The following ADK variants were observed in gnomAD, a reference collection of about 807,000 sequenced individuals.
ADK encodes the protein adenosine kinase.
ADK carries 24 observed loss-of-function variants against 44.7 expected under a neutral mutation model. That is an observed-to-expected ratio of 0.54 (90% confidence interval 0.39 to 0.76). The LOEUF (loss-of-function observed/expected upper bound fraction) is 0.76, where lower values mean the gene tolerates loss of function less well. ADK is among the 30% of genes least tolerant of loss of function. The pLI is 0.00. For synonymous variants in ADK, 128 were observed against 142.6 expected (o/e 0.90, Z 0.73); for missense variants, 321 against 425.1 (o/e 0.76, Z 2.15).
At chr10:74,165,025 T>C (rs1337652330) in intron 1 of ADK, among the ~76,000 whole-genome samples, 2 of 152,154 alleles carry the variant, frequency 1.3e-5, no homozygotes, top group Non-Finnish European at 2.9e-5. Context: ...TGCTTGGGAA[T>C]GCTGGTGGGA....
At chr10:74,660,844 C>A (rs1386086973) in intron 9 of ADK, among the ~76,000 whole-genome samples, 1 of 151,794 alleles carries the variant, frequency 6.6e-6, no homozygotes, top group Non-Finnish European at 1.5e-5. Flanking sequence ...CCAGCCTGGC[C>A]AATATGGTGA....
chr10:74,672,327 C>T (rs902645775), intron 10 of ADK, among the ~76,000 whole-genome samples: 1 of 152,100 alleles, frequency 6.6e-6, no homozygotes, highest in South Asian at 2.1e-4. Context: ...TACGTAAAAA[C>T]CTTTCCTAGC....
chr10:74,352,574 G>A (rs1841996309), intron 4 of ADK, among the ~76,000 whole-genome samples: 1 of 152,164 alleles, frequency 6.6e-6, no homozygotes, highest in Non-Finnish European at 1.5e-5. Context: ...ATTGACAAAT[G>A]GGATCTAATT....
At chr10:74,704,617 CT>C (rs1856535248) in intron 10 of ADK, among the ~76,000 whole-genome samples, 1 of 152,206 alleles carries the variant, frequency 6.6e-6, no homozygotes, top group African/African-American at 2.4e-5. Context: ...AGGTTCTCCA[CT>C]TGTCAAAGCA....
At chr10:74,238,460 G>C (rs374237702) in intron 3 of ADK, among the ~76,000 whole-genome samples, 31 of 152,256 alleles carry the variant, frequency 2.0e-4, no homozygotes, top group African/African-American at 7.5e-4. Flanking sequence ...AACGGCCTCA[G>C]TAAGAGGTTT....
intron 6 of ADK, among the ~76,000 whole-genome samples, chr10:74,449,926 A>G (rs952974582): frequency 3.9e-5 from 6 of 152,236 alleles, no homozygotes; most frequent in Non-Finnish European, 8.8e-5. Flanking sequence ...AACGTAACTT[A>G]AAAGCTATCT....
chr10:74,621,924 G>C (rs1002622451), intron 9 of ADK, among the ~76,000 whole-genome samples: 1 of 152,002 alleles, frequency 6.6e-6, no homozygotes, highest in Non-Finnish European at 1.5e-5. Flanking sequence ...TGAAATCCTG[G>C]TGTTTTTATG....
chr10:74,176,970 G>C (rs879726420), intron 1 of ADK: 32 of 1,572,116 alleles, frequency 2.0e-5, no homozygotes, highest in Non-Finnish European at 2.8e-5. Context: ...CTTCTCGCGG[G>C]TGGTCTGGAG....
intron 4 of ADK, among the ~76,000 whole-genome samples, chr10:74,374,407 G>A (rs1433823060): frequency 6.6e-6 from 1 of 152,086 alleles, no homozygotes; most frequent in Non-Finnish European, 1.5e-5. Flanking sequence ...CAGAGTTTTT[G>A]TTCCTTAAAT....
At position 74,278,596 on chromosome 10, in the gene ADK, C is replaced by T. The variant is rs550127496; in HGVS notation, c.195-36071C>T. The stretch of plus-strand genomic sequence containing the variant: ...TTTAAAGTTTATCTGATAACAATTA[C>T]ATGTAGTTAAACTTCTTTCTTTTGG... On this transcript the variant is annotated intron_variant, in intron 3 of 10. Transcript: ENST00000539909. Among the ~76,000 whole-genome samples the T allele has an allele frequency of 1.9e-3, 282 of 152,254 alleles. 3 individuals carry two copies. Among genetic ancestry groups the T allele is most frequent in the African/African-American group, 6.7e-3 (278 of 41,540 alleles).
intron 3 of ADK, among the ~76,000 whole-genome samples, chr10:74,291,166 C>T (rs1445674591): frequency 6.6e-6 from 1 of 152,066 alleles, no homozygotes; most frequent in Non-Finnish European, 1.5e-5. Flanking sequence ...GCCTGTAATC[C>T]AGCACTTTGG....
At chr10:74,577,654 G>T (rs192843245) in intron 7 of ADK, among the ~76,000 whole-genome samples, 4 of 151,644 alleles carry the variant, frequency 2.6e-5, no homozygotes, top group Admixed American at 2.6e-4. Flanking sequence ...AAATTACAAT[G>T]TAGTCCTATA....
chr10:74,629,326 T>C (rs1259136147), intron 9 of ADK, among the ~76,000 whole-genome samples: 1 of 152,166 alleles, frequency 6.6e-6, no homozygotes, highest in Non-Finnish European at 1.5e-5. Flanking sequence ...ATTCTTGATT[T>C]TTATTCTTCC....
chr10:74,359,047 G>T (rs968533495), intron 4 of ADK, among the ~76,000 whole-genome samples: 2 of 151,966 alleles, frequency 1.3e-5, no homozygotes, highest in African/African-American at 4.8e-5. Flanking sequence ...CAATCCTCCT[G>T]TCTCTGCCTT....
chr10:74,547,348 C>T (rs368393215), intron 7 of ADK, among the ~76,000 whole-genome samples: 2 of 151,414 alleles, frequency 1.3e-5, no homozygotes. Context: ...CATGCCATTG[C>T]ATTTATAAAG....
At chr10:74,572,899 T>G (rs1589260351) in intron 7 of ADK, among the ~76,000 whole-genome samples, 2 of 152,210 alleles carry the variant, frequency 1.3e-5, no homozygotes, top group African/African-American at 4.8e-5. Flanking sequence ...TAGTTATATA[T>G]TCATCTAAAT....
intron 1 of ADK, chr10:74,176,580 C>T: frequency 7.4e-7 from 1 of 1,358,722 alleles, no homozygotes. Flanking sequence ...GCCACCGCGC[C>T]CGCTAGTCAT....
intron 3 of ADK, among the ~76,000 whole-genome samples, chr10:74,242,211 A>G (rs1037067900): frequency 6.6e-6 from 1 of 152,236 alleles, no homozygotes; most frequent in African/African-American, 2.4e-5. Flanking sequence ...TAAAAGTTGT[A>G]CAAGTTGAGA....
In ADK at chr10:74,405,289, C is replaced by T. The variant is rs534785814; in HGVS notation, c.555+6710C>T. Among the ~76,000 whole-genome samples the T allele has an allele frequency of 7.9e-5, 12 of 152,118 alleles. No homozygotes were observed. In the South Asian group the frequency reaches 2.5e-3, roughly 32 times the overall value. ...TATCAGTTCCTGTTAGGAACCAGGC[C>T]ACACAGCAGGAGGTGAGTAGCAGGC... On this transcript the variant is annotated intron_variant, in intron 6 of 10. Transcript: ENST00000539909.
Sources: allele counts gnomAD v4.1 joint callset (sites outside exome capture counted in the v4.1 genomes callset), GRCh38; gene constraint gnomAD v4.1.1; transcripts MANE v1.5; gene names NCBI Gene and HGNC (gene_info 2026-07-23, HGNC 2026-07-21).